LY96: variants seen among roughly 807,000 people sequenced by gnomAD.
The protein encoded by LY96 is myeloid differentiation protein-2.
LY96 carries 18 observed loss-of-function variants against 18.9 expected under a neutral mutation model. The observed-to-expected ratio is 0.95, with a 90% confidence interval of 0.66 to 1.41. The LOEUF is 1.41. LY96 is among the 40% of genes most tolerant of loss of function. The pLI is 0.00. For missense variants in LY96, 175 were observed against 182.4 expected, an observed-to-expected ratio of 0.96 and a Z score of 0.23; for synonymous variants, 66 against 62.6, an observed-to-expected ratio of 1.06 and a Z score of -0.26.
chr8:73,997,709 T>A (rs1347333509), intron 1 of LY96, among the ~76,000 whole-genome samples: 1 of 152,132 alleles, frequency 6.6e-6, no homozygotes, highest in African/African-American at 2.4e-5. Flanking sequence ...AAATTGGAGG[T>A]TCCCCTTTCT....
the LY96 span, among the ~76,000 whole-genome samples, chr8:74,082,433 G>C: frequency 6.6e-6 from 1 of 152,126 alleles, no homozygotes; most frequent in African/African-American, 2.4e-5. Flanking sequence ...TGGAGCCCTT[G>C]CCTACCAGTG....
downstream of LY96, among the ~76,000 whole-genome samples, chr8:74,033,550 T>C (rs1017112927): frequency 6.6e-6 from 1 of 152,174 alleles, no homozygotes; most frequent in Non-Finnish European, 1.5e-5. Context: ...GGCCTCTTTT[T>C]CCCCTAGGAC....
intron 3 of LY96, among the ~76,000 whole-genome samples, chr8:74,025,414 G>A (rs1351783911): frequency 6.6e-6 from 1 of 152,084 alleles, no homozygotes; most frequent in African/African-American, 2.4e-5. Context: ...CAGCACTTTG[G>A]AAGGCCGAGG....
the LY96 span, among the ~76,000 whole-genome samples, chr8:74,040,115 C>T: frequency 3.9e-5 from 6 of 152,242 alleles, no homozygotes; most frequent in East Asian, 1.9e-4. Flanking sequence ...CTTCAGTACC[C>T]GACCCTATAC....
chr8:73,992,157 A>AT (rs889910750), intron 1 of LY96, among the ~76,000 whole-genome samples: 1 of 151,438 alleles, frequency 6.6e-6, no homozygotes, highest in African/African-American at 2.4e-5. Context: ...AATACTCTTA[A>AT]TTTTTTTTTG....
At chr8:74,062,395 C>T in the LY96 span, among the ~76,000 whole-genome samples, 15 of 150,734 alleles carry the variant, frequency 1.0e-4, no homozygotes, top group Admixed American at 5.3e-4. Context: ...TCTCCCTCCC[C>T]GCACCCCAAC....
At chr8:74,095,772 T>C in the LY96 span, among the ~76,000 whole-genome samples, 1 of 152,310 alleles carries the variant, frequency 6.6e-6, no homozygotes, top group Admixed American at 6.5e-5. Context: ...ATCGCTCCTT[T>C]TTCTCTGCCT....
chr8:74,092,419 G>A, the LY96 span, among the ~76,000 whole-genome samples: 1 of 152,070 alleles, frequency 6.6e-6, no homozygotes, highest in Non-Finnish European at 1.5e-5. Flanking sequence ...GCCCCCGAGG[G>A]ACACTCAATC....
chr8:74,084,979 A>G, the LY96 span, among the ~76,000 whole-genome samples: 1 of 152,220 alleles, frequency 6.6e-6, no homozygotes, highest in African/African-American at 2.4e-5. Flanking sequence ...CATTCACACT[A>G]AAGTACAAAT....
At chr8:74,036,603 A>C in the LY96 span, among the ~76,000 whole-genome samples, 1 of 152,138 alleles carries the variant, frequency 6.6e-6, no homozygotes, top group African/African-American at 2.4e-5. Context: ...TTTCATCTTC[A>C]ACCAATCAGC....
the LY96 span, among the ~76,000 whole-genome samples, chr8:74,037,317 A>G: frequency 1.3e-5 from 2 of 152,130 alleles, no homozygotes; most frequent in Non-Finnish European, 2.9e-5. Flanking sequence ...GATACTGTGA[A>G]CAGAAGAATG....
the LY96 span, among the ~76,000 whole-genome samples, chr8:74,052,093 G>A: frequency 6.6e-6 from 1 of 152,172 alleles, no homozygotes; most frequent in Non-Finnish European, 1.5e-5. Context: ...AAAATACTTG[G>A]CAATATTGTT....
At chr8:74,094,060 G>A in the LY96 span, among the ~76,000 whole-genome samples, 1 of 152,054 alleles carries the variant, frequency 6.6e-6, no homozygotes, top group African/African-American at 2.4e-5. Context: ...ACAGTTTGGG[G>A]AGTAGTCCAT....
chr8:74,034,792 G>C, the LY96 span, among the ~76,000 whole-genome samples: 1 of 152,136 alleles, frequency 6.6e-6, no homozygotes, highest in South Asian at 2.1e-4. Context: ...CCCGGGGACT[G>C]TCACAGAAGG....
At chr8:74,084,147 C>T in the LY96 span, among the ~76,000 whole-genome samples, 1 of 151,678 alleles carries the variant, frequency 6.6e-6, no homozygotes, top group Admixed American at 6.6e-5. Flanking sequence ...TTCCTCTGTT[C>T]TCTGTATTGC....
At chr8:74,011,089 G>A (rs1816521615) in intron 3 of LY96, among the ~76,000 whole-genome samples, 1 of 152,018 alleles carries the variant, frequency 6.6e-6, no homozygotes, top group Non-Finnish European at 1.5e-5. Context: ...AACCTAATTT[G>A]AGCAAATCGT....
At position 73,992,836 on chromosome 8, in the gene LY96, C is replaced by CTGTGTGTGTGTGTGTG. The variant is rs34327741; in HGVS notation, c.112+1307_112+1322dup. ...TTTGTACCATGTGCTAATTATGCCA[C>CTGTGTGTGTGTGTGTG]TGTGTGTGTGTGTGTGTGTGTGTGT... On this transcript the variant is annotated intron_variant, in intron 1 of 4. Coordinates refer to ENST00000284818, the MANE Select transcript of LY96 (RefSeq NM_015364.5). 6.7e-3 allele frequency among the ~76,000 whole-genome samples: 950 copies of CTGTGTGTGTGTGTGTG among 141,842 alleles called. 34 individuals carry two copies. Among genetic ancestry groups the CTGTGTGTGTGTGTGTG allele is most frequent in the Admixed American group, 0.046 (622 of 13,608 alleles). The allele number at this position is 141,842 out of a possible 152,430, so 93.1% of individuals were successfully genotyped here. A position where few individuals can be genotyped will look rare whatever the true frequency, so the allele number is the denominator to read the frequency against.
chr8:74,069,568 G>A, the LY96 span, among the ~76,000 whole-genome samples: 5 of 151,740 alleles, frequency 3.3e-5, no homozygotes, highest in Admixed American at 6.5e-5. Context: ...TTAATCAGCA[G>A]CCAATCAATT....
At chr8:74,079,906 C>T in the LY96 span, among the ~76,000 whole-genome samples, 7 of 152,118 alleles carry the variant, frequency 4.6e-5, no homozygotes, top group East Asian at 1.2e-3. Flanking sequence ...TGTGTATGTG[C>T]ATGCAGATGT....
Sources: allele counts gnomAD v4.1 joint callset (sites outside exome capture counted in the v4.1 genomes callset), GRCh38; gene constraint gnomAD v4.1.1; transcripts MANE v1.5; gene names NCBI Gene and HGNC (gene_info 2026-07-23, HGNC 2026-07-21).